The following KIAA1217 variants were observed in gnomAD, a reference collection of about 807,000 sequenced individuals.
The protein encoded by KIAA1217 is sickle tail protein homolog.
Under a neutral mutation model 163.9 loss-of-function variants are expected in KIAA1217, and 88 were observed. The observed-to-expected ratio is 0.54, with a 90% CI of 0.45 to 0.64. The LOEUF (loss-of-function observed/expected upper bound fraction) is 0.64, where lower values mean the gene tolerates loss of function less well. KIAA1217 is among the 30% of genes least tolerant of loss of function. The pLI, the probability that KIAA1217 is intolerant of heterozygous loss-of-function variation, is 0.00. For missense variants in KIAA1217, 2,372 were observed against 2,475.0 expected, an observed-to-expected ratio of 0.96 and a Z score of 0.88; for synonymous variants, 903 against 923.1, an observed-to-expected ratio of 0.98 and a Z score of 0.39.
chr10:24,124,995 C>T (rs971905851), intron 2 of KIAA1217, among the ~76,000 whole-genome samples: 9 of 152,002 alleles, frequency 5.9e-5, no homozygotes, highest in African/African-American at 1.5e-4. Flanking sequence ...ATTTGTTGGC[C>T]GGGTGCAGTG....
At chr10:23,853,537 T>A (rs1341266268) in intron 1 of KIAA1217, among the ~76,000 whole-genome samples, 2 of 152,166 alleles carry the variant, frequency 1.3e-5, no homozygotes, top group African/African-American at 4.8e-5. Context: ...ATAAAATGAG[T>A]TAGGGAGTAT....
intron 2 of KIAA1217, among the ~76,000 whole-genome samples, chr10:24,183,009 C>T (rs1024894588): frequency 2.6e-5 from 4 of 152,182 alleles, no homozygotes; most frequent in Admixed American, 6.5e-5. Context: ...TTGTGAAAGG[C>T]TTAGTGCCAT....
Position 24,190,915 on chromosome 10 carries a change from G to A in KIAA1217, c.-170-28711G>A, listed in dbSNP as rs74491431. 8.0e-3 allele frequency among the ~76,000 whole-genome samples: 1,214 copies of A among 152,194 alleles called. 20 individuals are homozygous for A. Among genetic ancestry groups the A allele is most frequent in the African/African-American group, 0.028 (1,160 of 41,518 alleles). On this transcript the variant is annotated intron_variant, in intron 2 of 18. Coordinates refer to the KIAA1217 transcript ENST00000376462. ...TGCTTAAAAAAAAATGATCAGAGGCGGGGCTCGGTGGCTCACACTTGTAAT... is the reference window on the plus strand; with the variant it reads ...TGCTTAAAAAAAAATGATCAGAGGCAGGGCTCGGTGGCTCACACTTGTAAT...
At chr10:24,061,597 G>C (rs1391004936) in intron 2 of KIAA1217, among the ~76,000 whole-genome samples, 1 of 152,126 alleles carries the variant, frequency 6.6e-6, no homozygotes, top group Non-Finnish European at 1.5e-5. Flanking sequence ...TCTCAGCTCT[G>C]TATGTCCTGA....
At chr10:24,290,034 T>C (rs1232566649) in intron 2 of KIAA1217, among the ~76,000 whole-genome samples, 1 of 152,140 alleles carries the variant, frequency 6.6e-6, no homozygotes, top group Non-Finnish European at 1.5e-5. Flanking sequence ...TTCCGAGTGA[T>C]ACTAAGCTCC....
At chr10:24,224,262 G>A (rs2070130082) in intron 2 of KIAA1217, among the ~76,000 whole-genome samples, 1 of 152,122 alleles carries the variant, frequency 6.6e-6, no homozygotes, top group African/African-American at 2.4e-5. Context: ...GATGCAGGTG[G>A]GACTCATCAG....
intron 2 of KIAA1217, among the ~76,000 whole-genome samples, chr10:24,338,735 A>G (rs2046704633): frequency 6.6e-6 from 1 of 152,160 alleles, no homozygotes; most frequent in African/African-American, 2.4e-5. Flanking sequence ...AATATTGTCA[A>G]TTTGAGGCAT....
chr10:23,947,254 C>A (rs1285483206), intron 1 of KIAA1217, among the ~76,000 whole-genome samples: 1 of 152,128 alleles, frequency 6.6e-6, no homozygotes, highest in Non-Finnish European at 1.5e-5. Flanking sequence ...AGAATGAATT[C>A]ATTCATCTCT....
At chr10:24,420,199 C>A (rs901284162) in intron 3 of KIAA1217, among the ~76,000 whole-genome samples, 1 of 152,188 alleles carries the variant, frequency 6.6e-6, no homozygotes, top group Non-Finnish European at 1.5e-5. Context: ...CCCACATCCT[C>A]ACCAGTACTT....
intron 2 of KIAA1217, among the ~76,000 whole-genome samples, chr10:24,324,654 A>G (rs1028526986): frequency 5.3e-5 from 8 of 152,178 alleles, no homozygotes; most frequent in African/African-American, 1.9e-4. Context: ...GAGTATTAGT[A>G]AGGACTCTTG....
chr10:23,787,090 C>CAAGATAGTAAA (rs1835526569), intron 1 of KIAA1217, among the ~76,000 whole-genome samples: 1 of 152,020 alleles, frequency 6.6e-6, no homozygotes, highest in Admixed American at 6.6e-5. Flanking sequence ...AGGAATTCCA[C>CAAGATAGTAAA]AAGATAGTAA....
intron 2 of KIAA1217, among the ~76,000 whole-genome samples, chr10:24,070,830 G>A (rs765108586): frequency 3.3e-5 from 5 of 152,132 alleles, no homozygotes; most frequent in African/African-American, 7.2e-5. Context: ...CAAATGGACA[G>A]TAGAAAATAG....
chr10:24,452,387 G>A (rs546851687), intron 5 of KIAA1217, among the ~76,000 whole-genome samples: 2 of 152,118 alleles, frequency 1.3e-5, no homozygotes, highest in Non-Finnish European at 2.9e-5. Context: ...AGGAATGAAT[G>A]AGACGGCCGG....
rs371750412 is a variant in KIAA1217 at position 24,501,496 on chromosome 10, G to A, written c.1952G>A (p.Arg651Gln). 3.5e-5 allele frequency: 57 copies of A among 1,613,812 alleles called. No individual in the cohort carries two copies. The highest frequency in any genetic ancestry group is 4.6e-5 in the Non-Finnish European group (54 of 1,179,924). ...CACATGAGCCTGCTTGAGATGAGGC[G>A]GAGCGTGGCGGAACTCAGGCTCCAG... ...AIHMSLLEMR[R>Q]SVAELRLQLQ... is the part of the protein sequence containing the mutation. The change falls in exon 9 of 21, where the codon CGG (arginine) becomes CAG (glutamine). Residue 651 changes from arginine to glutamine, a missense_variant. Arg to Gln is a conservative substitution (Grantham distance 43). Transcript: ENST00000376454.
At chr10:24,248,528 G>A (rs932798913) in intron 2 of KIAA1217, among the ~76,000 whole-genome samples, 3 of 151,710 alleles carry the variant, frequency 2.0e-5, no homozygotes, top group South Asian at 2.1e-4. Flanking sequence ...AAAATTAGCC[G>A]GGCATGGTGG....
At chr10:23,746,960 G>C (rs183708681) in intron 1 of KIAA1217, among the ~76,000 whole-genome samples, 1 of 152,282 alleles carries the variant, frequency 6.6e-6, no homozygotes, top group Non-Finnish European at 1.5e-5. Flanking sequence ...ATTAAGCAAA[G>C]TGTGCCAAGG....
chr10:24,321,907 A>G (rs996075609), intron 2 of KIAA1217, among the ~76,000 whole-genome samples: 10 of 152,094 alleles, frequency 6.6e-5, no homozygotes, highest in African/African-American at 2.4e-4. Context: ...AAAAATGGCT[A>G]GGTTGGTACA....
intron 1 of KIAA1217, among the ~76,000 whole-genome samples, chr10:23,881,018 G>A (rs1362006447): frequency 6.6e-6 from 1 of 151,786 alleles, no homozygotes; most frequent in Non-Finnish European, 1.5e-5. Context: ...TGATTATAAT[G>A]ATGAACCCTG....
At chr10:23,885,833 T>C (rs543271891) in intron 1 of KIAA1217, among the ~76,000 whole-genome samples, 1 of 152,070 alleles carries the variant, frequency 6.6e-6, no homozygotes, top group Admixed American at 6.5e-5. Flanking sequence ...TTGTGCTGCA[T>C]TTTTGTTTGA....
Sources: gnomAD v4.1 joint callset for allele counts (sites outside exome capture counted in the v4.1 genomes callset) on GRCh38, gnomAD v4.1.1 for gene constraint, MANE v1.5 for transcripts, NCBI Gene and HGNC (gene_info 2026-07-23, HGNC 2026-07-21) for gene names.